The following NODAL variants were observed in gnomAD, a reference collection of about 807,000 sequenced individuals.
The protein encoded by NODAL is nodal growth differentiation factor, also known as nodal homolog.
In NODAL, 12 loss-of-function variants were observed where a neutral mutation model predicts 34.0. That is an observed-to-expected ratio of 0.35 (90% CI 0.23 to 0.57). NODAL has a LOEUF of 0.57. Among genes scored for constraint, NODAL ranks in the 20% least tolerant of loss-of-function variants. NODAL has a pLI of 0.83. For missense variants in NODAL, 390 were observed against 444.2 expected (o/e 0.88, Z 1.10); for synonymous variants, 162 against 186.4 (o/e 0.87, Z 1.07).
At chr10:70,442,459 C>A (rs1021643606), upstream of NODAL, among the ~76,000 whole-genome samples, 1 of 152,230 alleles carries the variant, frequency 6.6e-6, no homozygotes, top group African/African-American at 2.4e-5. Context: ...ACCTGGGTGT[C>A]GGCTCAGGGC....
In NODAL at chr10:70,432,618, A is replaced by G. The variant is rs1482087447; in HGVS notation, c.*318T>C. 2.5e-6 allele frequency: 1 copy of G among 403,480 alleles called. No homozygotes were observed. The highest frequency in any genetic ancestry group is 4.7e-6 in the Non-Finnish European group (1 of 213,276). The allele number at this position is 403,480 out of a possible 1,614,324, so 25.0% of individuals were successfully genotyped here. A position where few individuals can be genotyped will look rare whatever the true frequency, so the allele number is the denominator to read the frequency against. On this transcript the variant is annotated 3_prime_UTR_variant, in exon 3 of 3. Coordinates refer to ENST00000287139, the MANE Select transcript of NODAL (RefSeq NM_018055.5). ...TTTCACATACAGTTTCGGGGGGTTC[A>G]CAGGTTTTTAAAAAATCCAGTAAAG...
chr10:70,435,235 C>T, intron 2 of NODAL, 51 bp downstream of exon 2: 3 of 1,477,406 alleles, frequency 2.0e-6, no homozygotes, highest in African/African-American at 1.4e-5. Context: ...AGAGCCCTGT[C>T]CCCCAAGGCC....
At chr10:70,445,173 C>T (rs1331808925), upstream of NODAL, among the ~76,000 whole-genome samples, 1 of 152,228 alleles carries the variant, frequency 6.6e-6, no homozygotes, top group Non-Finnish European at 1.5e-5. Flanking sequence ...AGAGCACCCT[C>T]ATCCACTGAG....
chr10:70,446,780 C>T (rs575424978), intron 1 of NODAL, among the ~76,000 whole-genome samples: 2 of 152,248 alleles, frequency 1.3e-5, no homozygotes, highest in African/African-American at 4.8e-5. Context: ...GGAATTAAAG[C>T]ATAAGCTTTG....
chr10:70,446,276 A>G (rs924001003), upstream of NODAL, among the ~76,000 whole-genome samples: 1 of 152,142 alleles, frequency 6.6e-6, no homozygotes, highest in East Asian at 1.9e-4. Context: ...TGCTTTCCAT[A>G]GAGACATTTT....
At chr10:70,442,445 G>A (rs1460597663), upstream of NODAL, among the ~76,000 whole-genome samples, 1 of 152,238 alleles carries the variant, frequency 6.6e-6, no homozygotes, top group Non-Finnish European at 1.5e-5. Context: ...CAGGGCCACA[G>A]AAGACCTGGG....
At chr10:70,447,109 T>C (rs10823545) in intron 1 of NODAL, among the ~76,000 whole-genome samples, 130,500 of 147,766 alleles carry the variant, frequency 0.88, 58,052 homozygotes, top group Middle Eastern at 0.95. Flanking sequence ...GAATCTCACT[T>C]TGTCTCCAGG....
intron 1 of NODAL, among the ~76,000 whole-genome samples, chr10:70,447,220 A>C (rs1274279614): frequency 1.3e-5 from 2 of 151,874 alleles, no homozygotes; most frequent in Non-Finnish European, 2.9e-5. Context: ...ATTACAGGTG[A>C]GTGCCACCAG....
In NODAL at chr10:70,439,159, C is replaced by T. The variant is rs1357168009; in HGVS notation, c.193+2316G>A. Among the ~76,000 whole-genome samples, 4 of 152,168 alleles carry T rather than the reference C, an allele frequency of 2.6e-5. No homozygotes were observed. In the South Asian group the frequency reaches 8.3e-4, roughly 32 times the overall value. On this transcript the variant is annotated intron_variant, in intron 1 of 2. Coordinates refer to ENST00000287139, the MANE Select transcript of NODAL (RefSeq NM_018055.5). Reference sequence around the variant, plus strand: ...AGCTGGGACTACAGGTGCGCGCCACCATGCCCAGCTAATTTTTGTATTTTT... The same window carrying T: ...AGCTGGGACTACAGGTGCGCGCCACTATGCCCAGCTAATTTTTGTATTTTT...
At position 70,440,378 on chromosome 10, in the gene NODAL, C is replaced by T. The variant is rs1443726211; in HGVS notation, c.193+1097G>A. 2.0e-5 allele frequency among the ~76,000 whole-genome samples: 3 copies of T among 152,228 alleles called. No individual in the cohort carries two copies. In the East Asian group the frequency reaches 5.8e-4, roughly 29 times the overall value. On this transcript the variant is annotated intron_variant, in intron 1 of 2. Coordinates refer to ENST00000287139, the MANE Select transcript of NODAL (RefSeq NM_018055.5). Reference sequence around the variant, plus strand: ...TCATTGCCCCGCCCCCGAGGGTGTCCCCTGGTCTGGCTGGTCCCCAGATGA... The same window carrying T: ...TCATTGCCCCGCCCCCGAGGGTGTCTCCTGGTCTGGCTGGTCCCCAGATGA...
upstream of NODAL, among the ~76,000 whole-genome samples, chr10:70,446,327 A>T (rs936768091): frequency 6.6e-6 from 1 of 152,138 alleles, no homozygotes; most frequent in Non-Finnish European, 1.5e-5. Context: ...TGACATGGTT[A>T]AGTGCTTGGA....
intron 1 of NODAL, among the ~76,000 whole-genome samples, chr10:70,440,552 C>T (rs1169595300): frequency 2.0e-5 from 3 of 152,138 alleles, no homozygotes; most frequent in East Asian, 1.9e-4. Context: ...CCGTCTGGCC[C>T]CCGCAGGCGG....
chr10:70,445,800 G>A (rs1297348730), upstream of NODAL, among the ~76,000 whole-genome samples: 1 of 152,174 alleles, frequency 6.6e-6, no homozygotes, highest in Non-Finnish European at 1.5e-5. Flanking sequence ...CATAGAAGAG[G>A]AGTGAAAATG....
intron 1 of NODAL, chr10:70,436,681 C>T (rs1845360191): frequency 6.5e-6 from 1 of 153,316 alleles, no homozygotes; most frequent in Non-Finnish European, 1.5e-5. Flanking sequence ...TGGTCACCCT[C>T]TACCCACCCC....
chr10:70,446,531 G>GTCAT (rs372359165), upstream of NODAL, among the ~76,000 whole-genome samples: 21 of 152,212 alleles, frequency 1.4e-4, no homozygotes, highest in East Asian at 5.8e-4. Flanking sequence ...GTAGCATTTA[G>GTCAT]TCATTCATTC....
At chr10:70,436,494 G>T (rs1373470364) in intron 1 of NODAL, 1 of 202,186 alleles carries the variant, frequency 4.9e-6, no homozygotes, top group Non-Finnish European at 9.7e-6. Flanking sequence ...GGAGGCAGAG[G>T]TTGCAGTGAG....
At chr10:70,436,903 T>C (rs1439835439) in intron 1 of NODAL, among the ~76,000 whole-genome samples, 1 of 152,122 alleles carries the variant, frequency 6.6e-6, no homozygotes, top group African/African-American at 2.4e-5. Context: ...CCAAAGAAAT[T>C]CACTTTCTCT....
upstream of NODAL, among the ~76,000 whole-genome samples, chr10:70,445,561 G>A (rs1564670381): frequency 6.6e-6 from 1 of 152,156 alleles, no homozygotes; most frequent in Admixed American, 6.5e-5. Flanking sequence ...CCTGGCCGGC[G>A]CTCACTGTTT....
chr10:70,444,843 T>C (rs1845470600), upstream of NODAL, among the ~76,000 whole-genome samples: 1 of 152,176 alleles, frequency 6.6e-6, no homozygotes, highest in South Asian at 2.1e-4. Flanking sequence ...TTATTGTGGG[T>C]GGTCCATGGT....
Sources: gnomAD v4.1 joint callset for allele counts (sites outside exome capture counted in the v4.1 genomes callset) on GRCh38, gnomAD v4.1.1 for gene constraint, MANE v1.5 for transcripts, NCBI Gene and HGNC (gene_info 2026-07-23, HGNC 2026-07-21) for gene names.